ARHGAP26: variants seen among roughly 807,000 people sequenced by gnomAD.
ARHGAP26 encodes the protein rho GTPase-activating protein 26.
A neutral mutation model predicts 104.8 loss-of-function variants in ARHGAP26; 38 were observed. The observed-to-expected ratio is 0.36, with a 90% confidence interval of 0.28 to 0.48. ARHGAP26 has a LOEUF of 0.48. Ranked by LOEUF, ARHGAP26 falls within the 20% of genes least tolerant of loss-of-function variation. ARHGAP26 has a pLI of 0.99. For synonymous variants in ARHGAP26, 341 were observed against 340.0 expected, an observed-to-expected ratio of 1.00 and a Z score of -0.03; for missense variants, 704 against 947.9, an observed-to-expected ratio of 0.74 and a Z score of 3.38.
intron 1 of ARHGAP26, among the ~76,000 whole-genome samples, chr5:142,842,756 T>G (rs10085017): frequency 0.036 from 5,522 of 152,294 alleles, 333 homozygotes; most frequent in African/African-American, 0.13. Context: ...TCCCTCAACA[T>G]TTCATTTGGA....
intron 1 of ARHGAP26, among the ~76,000 whole-genome samples, chr5:142,772,475 C>T (rs1682075542): frequency 6.6e-6 from 1 of 152,220 alleles, no homozygotes; most frequent in Non-Finnish European, 1.5e-5. Context: ...CTTCACTCAG[C>T]AAACTTTTGG....
rs867989696 is a variant in ARHGAP26, at chr5:143,226,147, C to G, written c.*3701C>G. On this transcript the variant is annotated 3_prime_UTR_variant, in exon 23 of 23. Transcript: ENST00000645722. ...ATCTTTTAGGGGTATTAAGGTCAGC[C>G]TCTCACTCTTCCTTCAGGTTACTAA... The G allele has an allele frequency of 5.2e-6, 1 of 193,096 alleles. No individual in the cohort carries two copies. The highest frequency in any genetic ancestry group is 1.1e-5 in the Non-Finnish European group (1 of 92,578). The allele number at this position is 193,096 out of a possible 1,614,324, so 12.0% of individuals were successfully genotyped here. A position where few individuals can be genotyped will look rare whatever the true frequency, so the allele number is the denominator to read the frequency against.
chr5:143,193,278 C>T (rs1280874905), intron 20 of ARHGAP26, among the ~76,000 whole-genome samples: 4 of 123,594 alleles, frequency 3.2e-5, no homozygotes, highest in East Asian at 4.7e-4. Flanking sequence ...GGCAGAGTCT[C>T]GCTCTGTCAC....
In ARHGAP26 at chr5:143,043,001, G is replaced by A. The variant is rs531485544; in HGVS notation, c.1285+1111G>A. Among the ~76,000 whole-genome samples, 114 of 152,256 alleles carry A rather than the reference G, an allele frequency of 7.5e-4. 1 individual carries two copies. Among genetic ancestry groups the A allele is most frequent in the South Asian group, 2.3e-3 (11 of 4,826 alleles). The stretch of plus-strand genomic sequence containing the variant: ...TTAAACTTTTCATTTTGAGATAATT[G>A]TAGATTTACATTCGGTTGTAAGAAA... On this transcript the variant is annotated intron_variant, in intron 14 of 22. Coordinates refer to ENST00000645722, the MANE Select transcript of ARHGAP26 (RefSeq NM_001135608.3).
intron 1 of ARHGAP26, among the ~76,000 whole-genome samples, chr5:142,789,716 C>G (rs1433377520): frequency 6.6e-6 from 1 of 152,188 alleles, no homozygotes; most frequent in Non-Finnish European, 1.5e-5. Flanking sequence ...CTTGCACCCC[C>G]ACCCATACAC....
intron 17 of ARHGAP26, among the ~76,000 whole-genome samples, chr5:143,087,242 C>G (rs1790722793): frequency 1.3e-5 from 2 of 152,154 alleles, no homozygotes; most frequent in South Asian, 4.1e-4. Flanking sequence ...TTGTAAGCCT[C>G]CCCTGTTTTC....
chr5:142,961,526 G>A (rs1770244184), intron 11 of ARHGAP26, among the ~76,000 whole-genome samples: 1 of 152,082 alleles, frequency 6.6e-6, no homozygotes, highest in African/African-American at 2.4e-5. Context: ...GAGTTTAAAT[G>A]TCCCATTGTC....
chr5:142,934,762 TGGA>T (rs1438206533), intron 11 of ARHGAP26, among the ~76,000 whole-genome samples: 2 of 149,034 alleles, frequency 1.3e-5, no homozygotes, highest in Admixed American at 1.3e-4. Flanking sequence ...TTGGTGTTGG[TGGA>T]TTTTTTTTTT....
intron 17 of ARHGAP26, among the ~76,000 whole-genome samples, chr5:143,068,147 A>G (rs1787774426): frequency 6.6e-6 from 1 of 152,204 alleles, no homozygotes; most frequent in South Asian, 2.1e-4. Flanking sequence ...CCTGGGTGAG[A>G]GAGCAACACC....
chr5:142,920,373 T>C (rs1329292770), intron 10 of ARHGAP26, among the ~76,000 whole-genome samples: 1 of 152,206 alleles, frequency 6.6e-6, no homozygotes, highest in Non-Finnish European at 1.5e-5. Context: ...ATGGTACTAG[T>C]CATTTGCCAG....
At chr5:142,976,834 G>A (rs1411479423) in intron 11 of ARHGAP26, among the ~76,000 whole-genome samples, 6 of 152,170 alleles carry the variant, frequency 3.9e-5, no homozygotes, top group African/African-American at 1.4e-4. Flanking sequence ...ACTTTTCTGT[G>A]TTTGCCATCA....
intron 11 of ARHGAP26, among the ~76,000 whole-genome samples, chr5:142,997,047 C>T (rs1248965169): frequency 6.6e-6 from 1 of 152,044 alleles, no homozygotes; most frequent in Non-Finnish European, 1.5e-5. Context: ...TCTATTGTAG[C>T]ACAAAAACAG....
Position 143,147,390 on chromosome 5 carries a change from G to A in ARHGAP26, c.1988+9G>A, listed in dbSNP as rs535058070. 3.7e-5 allele frequency: 59 copies of A among 1,610,910 alleles called. No individual in the cohort carries two copies. In the East Asian group the frequency reaches 1.2e-3, roughly 33 times the overall value. On this transcript the variant is annotated intron_variant, in intron 20 of 22. Coordinates refer to ENST00000645722, the MANE Select transcript of ARHGAP26 (RefSeq NM_001135608.3). Reference sequence around the variant, plus strand: ...ACCCGGCCCAACTCACTGTAAGTATGATGTCCAGCTGCCTACCCCACAAGG... The same window carrying A: ...ACCCGGCCCAACTCACTGTAAGTATAATGTCCAGCTGCCTACCCCACAAGG...
At chr5:142,891,325 C>G (rs1758629713) in intron 5 of ARHGAP26, among the ~76,000 whole-genome samples, 1 of 151,902 alleles carries the variant, frequency 6.6e-6, no homozygotes, top group African/African-American at 2.4e-5. Context: ...AAAATGCCCC[C>G]AGTCTTAGCC....
At chr5:142,862,204 G>T (rs766688638) in intron 1 of ARHGAP26, among the ~76,000 whole-genome samples, 2 of 152,166 alleles carry the variant, frequency 1.3e-5, no homozygotes, top group South Asian at 2.1e-4. Context: ...GTTCTTGCTT[G>T]CCCAAATTTG....
chr5:142,861,959 G>A lies in ARHGAP26; in HGVS notation c.155-11441G>A, dbSNP rs1235675721. Among the ~76,000 whole-genome samples the A allele has an allele frequency of 2.0e-5, 3 of 152,298 alleles. No individual in the cohort carries two copies. The East Asian group carries it at 5.8e-4, about 29-fold the overall frequency. On this transcript the variant is annotated intron_variant, in intron 1 of 22. Coordinates refer to ENST00000645722, the MANE Select transcript of ARHGAP26 (RefSeq NM_001135608.3). ...TCAAATTCACGTTAGCTGTTGGTAGGAACAGTGCAGGGGTTTCTGATCCTT... is the reference window on the plus strand; with the variant it reads ...TCAAATTCACGTTAGCTGTTGGTAGAAACAGTGCAGGGGTTTCTGATCCTT...
At chr5:143,206,852 T>C (rs1220811022) in intron 20 of ARHGAP26, among the ~76,000 whole-genome samples, 2 of 152,266 alleles carry the variant, frequency 1.3e-5, no homozygotes, top group Non-Finnish European at 2.9e-5. Context: ...AAGCTAGCCC[T>C]GCCTCAGAAC....
intron 4 of ARHGAP26, among the ~76,000 whole-genome samples, chr5:142,880,561 C>T (rs960854015): frequency 3.9e-5 from 6 of 151,924 alleles, no homozygotes; most frequent in Admixed American, 1.3e-4. Flanking sequence ...GTTTGACCTT[C>T]GGTAGAGTGT....
chr5:142,908,408 C>G (rs976622073), intron 9 of ARHGAP26, among the ~76,000 whole-genome samples: 1 of 152,212 alleles, frequency 6.6e-6, no homozygotes, highest in Non-Finnish European at 1.5e-5. Context: ...CAGCTGTCAT[C>G]CTCTCTCCTG....
Sources: gnomAD v4.1 joint callset for allele counts (sites outside exome capture counted in the v4.1 genomes callset) on GRCh38, gnomAD v4.1.1 for gene constraint, MANE v1.5 for transcripts, NCBI Gene and HGNC (gene_info 2026-07-23, HGNC 2026-07-21) for gene names.